Variants in STK32B observed in about 807,000 individuals in gnomAD.
STK32B encodes the protein serine/threonine kinase 32B.
A neutral mutation model predicts 52.6 loss-of-function variants in STK32B; 43 were observed. The ratio of observed to expected loss-of-function variants is 0.82; its 90% CI spans 0.64 to 1.05. The LOEUF (loss-of-function observed/expected upper bound fraction) is 1.05, where lower values mean the gene tolerates loss of function less well. Among genes scored for constraint, STK32B ranks in the 50% least tolerant of loss-of-function variants. The pLI, the probability that STK32B is intolerant of heterozygous loss-of-function variation, is 0.00. For missense variants in STK32B, 621 were observed against 534.6 expected (o/e 1.16, Z -1.59); for synonymous variants, 238 against 204.3 (o/e 1.17, Z -1.41).
intron 3 of STK32B, among the ~76,000 whole-genome samples, chr4:5,317,932 C>G (rs570819265): frequency 6.6e-6 from 1 of 152,174 alleles, no homozygotes; most frequent in East Asian, 1.9e-4. Flanking sequence ...GTTAGAATTG[C>G]CAAATTTCAG....
chr4:5,182,858 A>G (rs1009433137), intron 3 of STK32B, among the ~76,000 whole-genome samples: 2 of 152,210 alleles, frequency 1.3e-5, no homozygotes, highest in African/African-American at 2.4e-5. Flanking sequence ...TGAAAACAAC[A>G]TTCATGTCTT....
intron 3 of STK32B, among the ~76,000 whole-genome samples, chr4:5,315,862 G>A (rs1043183366): frequency 4.6e-5 from 7 of 150,598 alleles, no homozygotes; most frequent in Admixed American, 6.6e-5. Context: ...ATGCCACCAC[G>A]CCCAGCTAAT....
chr4:5,418,751 C>A (rs1284688621), intron 6 of STK32B, among the ~76,000 whole-genome samples: 1 of 152,244 alleles, frequency 6.6e-6, no homozygotes, highest in Non-Finnish European at 1.5e-5. Context: ...TTAACTCTGG[C>A]CAGGTTGTGC....
rs1165522833 is a variant in STK32B at position 5,051,775 on chromosome 4, C to G, written c.-89C>G. On this transcript the variant is annotated 5_prime_UTR_variant, in exon 1 of 12. Coordinates refer to ENST00000282908, the MANE Select transcript of STK32B (RefSeq NM_018401.3). Reference sequence around the variant, plus strand: ...GGCTACAACCCGGACTGGGCGCGCCCCCGGCATCCCGCATCTCTGCGCGCG... The same window carrying G: ...GGCTACAACCCGGACTGGGCGCGCCGCCGGCATCCCGCATCTCTGCGCGCG... The G allele has an allele frequency of 1.3e-6, 2 of 1,531,380 alleles. No homozygotes were observed. The highest frequency in any genetic ancestry group is 1.2e-5 in the South Asian group (1 of 81,776). The allele number at this position is 1,531,380 out of a possible 1,614,324, so 94.9% of individuals were successfully genotyped here. A position where few individuals can be genotyped will look rare whatever the true frequency, so the allele number is the denominator to read the frequency against.
At chr4:5,232,709 A>G (rs939193891) in intron 3 of STK32B, among the ~76,000 whole-genome samples, 1 of 152,134 alleles carries the variant, frequency 6.6e-6, no homozygotes, top group African/African-American at 2.4e-5. Context: ...AGATGAAGCC[A>G]TTTGCTGAGT....
chr4:5,474,962 G>C (rs1718124496), intron 11 of STK32B, among the ~76,000 whole-genome samples: 1 of 152,166 alleles, frequency 6.6e-6, no homozygotes, highest in East Asian at 1.9e-4. Context: ...TGATACAGCA[G>C]AGCAAATGCC....
At chr4:5,118,288 T>C (rs1714845957) in intron 1 of STK32B, among the ~76,000 whole-genome samples, 2 of 152,182 alleles carry the variant, frequency 1.3e-5, no homozygotes, top group South Asian at 4.1e-4. Context: ...TCTTGGTAGG[T>C]AGTGTGTCTT....
At chr4:5,268,654 C>T (rs1365294926) in intron 3 of STK32B, among the ~76,000 whole-genome samples, 2 of 151,518 alleles carry the variant, frequency 1.3e-5, no homozygotes, top group Non-Finnish European at 2.9e-5. Flanking sequence ...TGCCACTAGA[C>T]TGTAATCTCC....
intron 3 of STK32B, among the ~76,000 whole-genome samples, chr4:5,178,739 C>T (rs1720120521): frequency 6.6e-6 from 1 of 152,198 alleles, no homozygotes; most frequent in Admixed American, 6.5e-5. Context: ...TAAAGCATAG[C>T]AAGAGTGACC....
intron 3 of STK32B, among the ~76,000 whole-genome samples, chr4:5,308,014 A>C (rs368920852): frequency 6.6e-6 from 1 of 151,922 alleles, no homozygotes; most frequent in South Asian, 2.1e-4. Flanking sequence ...ATGAGCACCT[A>C]CTCCAGTGGA....
intron 3 of STK32B, among the ~76,000 whole-genome samples, chr4:5,311,469 C>T (rs1417426016): frequency 1.3e-5 from 2 of 151,918 alleles, no homozygotes; most frequent in African/African-American, 4.8e-5. Context: ...AATAGGAGAA[C>T]AGTAGAGAAA....
intron 6 of STK32B, among the ~76,000 whole-genome samples, chr4:5,434,629 G>A (rs1243387898): frequency 1.3e-5 from 2 of 152,012 alleles, no homozygotes; most frequent in African/African-American, 2.4e-5. Flanking sequence ...CTCAGATGTG[G>A]TACCCACTCT....
At chr4:5,284,195 C>T (rs1025841841) in intron 3 of STK32B, among the ~76,000 whole-genome samples, 1 of 152,000 alleles carries the variant, frequency 6.6e-6, no homozygotes, top group Admixed American at 6.6e-5. Context: ...TTATGTAAGC[C>T]TCATGGCACC....
At position 5,295,884 on chromosome 4, in the gene STK32B, A is replaced by T. The variant is rs115894578; in HGVS notation, c.261-35336A>T. 3.8e-3 allele frequency among the ~76,000 whole-genome samples: 575 copies of T among 151,402 alleles called. 5 individuals are homozygous for T. The highest frequency in any genetic ancestry group is 0.025 in the South Asian group (119 of 4,786). On this transcript the variant is annotated intron_variant, in intron 3 of 11. Transcript: ENST00000282908. ...ATGGTGTCGATTTTAGATCTTTCCCACTTTCTGATGTGGGCATTTAGTCCT... is the reference window on the plus strand; with the variant it reads ...ATGGTGTCGATTTTAGATCTTTCCCTCTTTCTGATGTGGGCATTTAGTCCT...
chr4:5,324,656 C>T (rs1275483395), intron 3 of STK32B, among the ~76,000 whole-genome samples: 1 of 152,170 alleles, frequency 6.6e-6, no homozygotes, highest in African/African-American at 2.4e-5. Context: ...ATTGTGACAA[C>T]AAAAACTGTC....
the STK32B span, among the ~76,000 whole-genome samples, chr4:5,037,177 A>G: frequency 6.6e-6 from 1 of 152,202 alleles, no homozygotes; most frequent in African/African-American, 2.4e-5. Context: ...TAGGGCCAGT[A>G]GCACCACTTC....
chr4:5,065,385 A>G (rs1742380460), intron 1 of STK32B, among the ~76,000 whole-genome samples: 1 of 152,180 alleles, frequency 6.6e-6, no homozygotes, highest in Non-Finnish European at 1.5e-5. Context: ...GAAGTCTGTG[A>G]TTCACATGTC....
intron 5 of STK32B, among the ~76,000 whole-genome samples, chr4:5,416,497 C>T (rs1340860565): frequency 2.0e-5 from 3 of 152,202 alleles, no homozygotes; most frequent in Non-Finnish European, 4.4e-5. Context: ...CCGCCCCAGC[C>T]ATAGCCCACC....
chr4:5,099,449 T>TGC (rs1553823508), intron 1 of STK32B, among the ~76,000 whole-genome samples: 2 of 36,172 alleles, frequency 5.5e-5, no homozygotes, highest in East Asian at 7.7e-4. Context: ...TGTGTGTGTG[T>TGC]GCGCGCGCGC....
Sources: allele counts gnomAD v4.1 joint callset (sites outside exome capture counted in the v4.1 genomes callset), GRCh38; gene constraint gnomAD v4.1.1; transcripts MANE v1.5; gene names NCBI Gene and HGNC (gene_info 2026-07-23, HGNC 2026-07-21).